SHOC2: variants seen among roughly 807,000 people sequenced by gnomAD.
SHOC2 encodes the protein SHOC2 leucine rich repeat scaffold protein.
A neutral mutation model predicts 50.2 loss-of-function variants in SHOC2; 4 were observed. The observed-to-expected ratio is 0.08, with a 90% CI of 0.04 to 0.18. SHOC2 has a LOEUF of 0.18. Among genes scored for constraint, SHOC2 ranks in the 10% least tolerant of loss-of-function variants. The pLI is 1.00. For synonymous variants in SHOC2, 218 were observed against 244.5 expected (o/e 0.89, Z 1.01); for missense variants, 388 against 669.6 (o/e 0.58, Z 4.64).
intron 3 of SHOC2, among the ~76,000 whole-genome samples, chr10:110,996,651 A>G (rs1477932129): frequency 1.3e-5 from 2 of 152,220 alleles, no homozygotes; most frequent in Non-Finnish European, 2.9e-5. Context: ...ACTAGAAAAC[A>G]TTTTTAACTA....
intron 3 of SHOC2, among the ~76,000 whole-genome samples, chr10:110,998,033 G>A (rs983227382): frequency 6.9e-6 from 1 of 145,882 alleles, no homozygotes; most frequent in Non-Finnish European, 1.5e-5. Context: ...AAGCCTTGCT[G>A]TGCCACCCAG....
At chr10:110,921,984 T>G (rs576004810) in intron 1 of SHOC2, among the ~76,000 whole-genome samples, 2 of 152,250 alleles carry the variant, frequency 1.3e-5, no homozygotes, top group South Asian at 4.1e-4. Context: ...TTTTTAGTTT[T>G]TAAACTACCG....
At chr10:110,924,608 T>A (rs1846719358) in intron 1 of SHOC2, among the ~76,000 whole-genome samples, 1 of 152,166 alleles carries the variant, frequency 6.6e-6, no homozygotes, top group African/African-American at 2.4e-5. Context: ...GAACTGCAGA[T>A]CTGTATTAAT....
Position 110,982,700 on chromosome 10 carries a change from GTTGT to G in SHOC2, c.704-2921_704-2918del, listed in dbSNP as rs1214925175. ...TGTCCTTTGCCCACTTTTTGATGGGGTTGTTTGTTTTTTTCTTGTAAATTTTCTA... is the reference window on the plus strand; with the variant it reads ...TGTCCTTTGCCCACTTTTTGATGGGGTTGTTTTTTTCTTGTAAATTTTCTA... On this transcript the variant is annotated intron_variant, in intron 2 of 8. Coordinates refer to ENST00000369452, the MANE Select transcript of SHOC2 (RefSeq NM_007373.4). Among the ~76,000 whole-genome samples the G allele has an allele frequency of 3.3e-5, 5 of 152,114 alleles. No individual in the cohort carries two copies. The South Asian group carries it at 6.2e-4, about 19-fold the overall frequency.
Position 110,968,023 on chromosome 10 carries a change from C to A in SHOC2, c.703+2962C>A, listed in dbSNP as rs575297894. ...AGTCATATGGTAACTCTATGTTTAA[C>A]CTTTTTGAGGGATTACTAGACTGTT... On this transcript the variant is annotated intron_variant, in intron 2 of 8. Transcript: ENST00000369452. Among the ~76,000 whole-genome samples the A allele has an allele frequency of 5.9e-5, 9 of 152,218 alleles. No individual in the cohort carries two copies. In the South Asian group the frequency reaches 1.7e-3, roughly 28 times the overall value.
intron 3 of SHOC2, chr10:110,988,891 A>C (rs769066920): frequency 8.6e-6 from 4 of 464,616 alleles, no homozygotes; most frequent in African/African-American, 6.0e-5. Context: ...AGTTTTTTCT[A>C]ATTTACCCTT....
intron 1 of SHOC2, among the ~76,000 whole-genome samples, chr10:110,938,309 C>T (rs1847068977): frequency 6.6e-6 from 1 of 152,106 alleles, no homozygotes; most frequent in African/African-American, 2.4e-5. Context: ...ATGTGACTGA[C>T]TGTATATTTC....
Position 110,978,593 on chromosome 10 carries a change from A to T in SHOC2, c.704-7035A>T, listed in dbSNP as rs78294835. Among the ~76,000 whole-genome samples, 32 of 152,334 alleles carry T rather than the reference A, an allele frequency of 2.1e-4. 1 individual carries two copies. In the East Asian group the frequency reaches 6.0e-3, roughly 28 times the overall value. ...CTGAAAATCCAAACTCTTAAAGACCACAGTTGGCAACTGTTGAAATCTCTG... is the reference window on the plus strand; with the variant it reads ...CTGAAAATCCAAACTCTTAAAGACCTCAGTTGGCAACTGTTGAAATCTCTG... On this transcript the variant is annotated intron_variant, in intron 2 of 8. Coordinates refer to ENST00000369452, the MANE Select transcript of SHOC2 (RefSeq NM_007373.4).
At chr10:111,000,334 T>C in intron 3 of SHOC2, 81 bp from the exon 4 acceptor site, 1 of 1,385,740 alleles carries the variant, frequency 7.2e-7, no homozygotes, top group Non-Finnish European at 1.0e-6. Flanking sequence ...AATTTGTAAA[T>C]AGTTAGTAGA....
At chr10:110,955,225 G>A (rs962078488) in intron 1 of SHOC2, among the ~76,000 whole-genome samples, 1 of 152,286 alleles carries the variant, frequency 6.6e-6, no homozygotes. Flanking sequence ...AGAGAGAGAC[G>A]ATGAGAGCTT....
intron 1 of SHOC2, among the ~76,000 whole-genome samples, chr10:110,957,863 A>G (rs1290875344): frequency 6.6e-6 from 1 of 151,920 alleles, no homozygotes; most frequent in East Asian, 1.9e-4. Context: ...TCTTTCATCA[A>G]CCCCTTAGCA....
At chr10:110,997,253 C>T (rs1848284756) in intron 3 of SHOC2, among the ~76,000 whole-genome samples, 1 of 152,020 alleles carries the variant, frequency 6.6e-6, no homozygotes, top group African/African-American at 2.4e-5. Context: ...GTAAAATATT[C>T]ATCCAAAAGA....
At chr10:110,955,866 T>G (rs1294365458) in intron 1 of SHOC2, among the ~76,000 whole-genome samples, 1 of 152,316 alleles carries the variant, frequency 6.6e-6, no homozygotes, top group African/African-American at 2.4e-5. Flanking sequence ...CTGTTCTCGT[T>G]GAAGAGTTAG....
intron 1 of SHOC2, among the ~76,000 whole-genome samples, chr10:110,925,711 C>T (rs1371028063): frequency 6.6e-6 from 1 of 152,194 alleles, no homozygotes; most frequent in Non-Finnish European, 1.5e-5. Flanking sequence ...CCTGCCTTGG[C>T]CTCCCAAAGT....
intron 2 of SHOC2, among the ~76,000 whole-genome samples, chr10:110,967,798 G>A (rs1331834173): frequency 6.6e-6 from 1 of 152,130 alleles, no homozygotes; most frequent in African/African-American, 2.4e-5. Flanking sequence ...GCATGTATCA[G>A]TACTTCATTC....
intron 1 of SHOC2, among the ~76,000 whole-genome samples, chr10:110,947,144 G>A (rs560137784): frequency 6.6e-6 from 1 of 152,324 alleles, no homozygotes; most frequent in African/African-American, 2.4e-5. Flanking sequence ...TGCCCTCCAA[G>A]TGGAGGAAGG....
intron 1 of SHOC2, among the ~76,000 whole-genome samples, chr10:110,960,202 T>C (rs1847545419): frequency 6.6e-6 from 1 of 152,238 alleles, no homozygotes; most frequent in Non-Finnish European, 1.5e-5. Context: ...TAAAGTTTTA[T>C]TGAAACACAG....
chr10:110,957,237 C>T (rs1446047890), intron 1 of SHOC2, among the ~76,000 whole-genome samples: 1 of 152,144 alleles, frequency 6.6e-6, no homozygotes, highest in African/African-American at 2.4e-5. Flanking sequence ...GAATAGTGCC[C>T]TGAATATCAG....
At chr10:110,996,748 TATA>T (rs1389002308) in intron 3 of SHOC2, among the ~76,000 whole-genome samples, 2 of 152,230 alleles carry the variant, frequency 1.3e-5, no homozygotes, top group African/African-American at 4.8e-5. Context: ...TTTGCTTTAT[TATA>T]ATAAACTTTC....
Sources: allele counts gnomAD v4.1 joint callset (sites outside exome capture counted in the v4.1 genomes callset), GRCh38; gene constraint gnomAD v4.1.1; transcripts MANE v1.5; gene names NCBI Gene and HGNC (gene_info 2026-07-23, HGNC 2026-07-21).